The following SMOC2 variants were observed in gnomAD, a reference collection of about 807,000 sequenced individuals.
The protein encoded by SMOC2 is SPARC-related modular calcium-binding protein 2.
In SMOC2, 39 loss-of-function variants were observed where a neutral mutation model predicts 61.4. The ratio of observed to expected loss-of-function variants is 0.64; its 90% CI spans 0.49 to 0.83. The LOEUF (loss-of-function observed/expected upper bound fraction) is 0.83, where lower values mean the gene tolerates loss of function less well. SMOC2 is among the 40% of genes least tolerant of loss of function. SMOC2 has a pLI of 0.00. For missense variants in SMOC2, 556 were observed against 592.9 expected (o/e 0.94, Z 0.65); for synonymous variants, 247 against 239.9 (o/e 1.03, Z -0.27).
At chr6:168,597,940 A>T (rs1785373159) in intron 7 of SMOC2, among the ~76,000 whole-genome samples, 1 of 152,270 alleles carries the variant, frequency 6.6e-6, no homozygotes, top group Non-Finnish European at 1.5e-5. Flanking sequence ...ACATGTCTAA[A>T]CAAAGGAGAA....
intron 4 of SMOC2, among the ~76,000 whole-genome samples, chr6:168,538,188 CCTGCTGGAATCTGGGGAGTGGGGTGACCG>C (rs1562335272): frequency 7.4e-6 from 1 of 134,526 alleles, no homozygotes; most frequent in East Asian, 2.3e-4. Flanking sequence ...TGGGGTGACC[CCTGCTGGAATCTGGGGAGTGGGGTGACCG>C]CTGCTGGAAT....
chr6:168,531,792 G>A (rs1783608939), intron 4 of SMOC2, among the ~76,000 whole-genome samples: 1 of 152,210 alleles, frequency 6.6e-6, no homozygotes, highest in Admixed American at 6.5e-5. Flanking sequence ...GGAAGTGGCA[G>A]AGCTGGGATG....
chr6:168,530,088 A>G (rs1360167779), intron 4 of SMOC2, among the ~76,000 whole-genome samples: 1 of 152,246 alleles, frequency 6.6e-6, no homozygotes, highest in Non-Finnish European at 1.5e-5. Context: ...CCATAGAAGC[A>G]GACTCTATAA....
intron 1 of SMOC2, among the ~76,000 whole-genome samples, chr6:168,448,440 G>A (rs906018538): frequency 2.0e-5 from 3 of 150,962 alleles, no homozygotes; most frequent in African/African-American, 4.9e-5. Flanking sequence ...ATGGGGAGAA[G>A]GATGAGGATG....
At chr6:168,605,561 T>A (rs1334007792) in intron 8 of SMOC2, among the ~76,000 whole-genome samples, 2 of 152,160 alleles carry the variant, frequency 1.3e-5, no homozygotes, top group African/African-American at 4.8e-5. Flanking sequence ...CAGAATACTG[T>A]CATGTAAATA....
At chr6:168,559,707 A>G (rs1451431435) in intron 7 of SMOC2, among the ~76,000 whole-genome samples, 2 of 152,032 alleles carry the variant, frequency 1.3e-5, no homozygotes, top group African/African-American at 4.8e-5. Context: ...CTTCAACCGC[A>G]CCTTGTTCTA....
chr6:168,577,634 C>G (rs1784836728), intron 7 of SMOC2, among the ~76,000 whole-genome samples: 1 of 152,198 alleles, frequency 6.6e-6, no homozygotes. Flanking sequence ...CCTGGACTGG[C>G]TCTATCTGGT....
intron 4 of SMOC2, among the ~76,000 whole-genome samples, chr6:168,532,021 G>A (rs9346719): frequency 0.68 from 103,283 of 152,074 alleles, 37,327 homozygotes; most frequent in Non-Finnish European, 0.8. Context: ...TCTCGGAGAC[G>A]TATCCAAGTC....
chr6:168,609,998 C>A (rs10945526), intron 9 of SMOC2, among the ~76,000 whole-genome samples: 39,077 of 152,022 alleles, frequency 0.26, 5,139 homozygotes, highest in Non-Finnish European at 0.27. Flanking sequence ...AGACCTTTTC[C>A]TGGTGGAATC....
chr6:168,465,630 A>G (rs1781811098), intron 1 of SMOC2, among the ~76,000 whole-genome samples: 1 of 152,234 alleles, frequency 6.6e-6, no homozygotes, highest in South Asian at 2.1e-4. Flanking sequence ...AGTTTGTGAA[A>G]GCCAAATAGG....
chr6:168,549,504 G>A (rs1467853432), intron 7 of SMOC2, among the ~76,000 whole-genome samples: 1 of 152,084 alleles, frequency 6.6e-6, no homozygotes, highest in African/African-American at 2.4e-5. Context: ...AAATCATAAG[G>A]AATAGAAAAT....
intron 7 of SMOC2, among the ~76,000 whole-genome samples, chr6:168,556,324 G>C (rs1784249340): frequency 6.6e-6 from 1 of 152,178 alleles, no homozygotes; most frequent in South Asian, 2.1e-4. Flanking sequence ...TGCCCACATG[G>C]GGTGCGGGAG....
intron 1 of SMOC2, among the ~76,000 whole-genome samples, chr6:168,446,234 G>A (rs573207319): frequency 6.1e-4 from 93 of 152,246 alleles, no homozygotes; most frequent in African/African-American, 1.9e-3. Flanking sequence ...GTGGTGACAC[G>A]CACCTGTAGT....
Position 168,653,129 on chromosome 6 carries a change from T to C in SMOC2, c.1186T>C (p.Cys396Arg), listed in dbSNP as rs1787238835. The change falls in exon 11 of 13, where the codon TGT becomes CGT. Residue 396 changes from cysteine (C) to arginine (R), a missense_variant. Transcript: ENST00000356284. ...ATGTGTGAAGAAGTTTGTTGAATAC[T>C]GTGACGTGAATAATGACAAATCCAT... ...KKCVKKFVEY[C>R]DVNNDKSISV... 11 of 1,614,250 alleles carry C rather than the reference T, an allele frequency of 6.8e-6. No individual in the cohort carries two copies. Among genetic ancestry groups the C allele is most frequent in the Non-Finnish European group, 7.6e-6 (9 of 1,180,040 alleles).
intron 2 of SMOC2, among the ~76,000 whole-genome samples, chr6:168,517,059 T>C (rs1013773034): frequency 6.6e-6 from 1 of 152,232 alleles, no homozygotes; most frequent in Non-Finnish European, 1.5e-5. Flanking sequence ...AAGTGATGGT[T>C]GTAACAGGAA....
Position 168,636,849 on chromosome 6 carries a change from TGCCTCCCTCCTCCC to T in SMOC2, c.908-13803_908-13790del, listed in dbSNP as rs1185071842. ...GGCCATCAGTGGGGAATATGCCTCC[TGCCTCCCTCCTCCC>T]GCCTCCCTCCTCCCGCCTCCCTCCT... On this transcript the variant is annotated intron_variant, in intron 9 of 12. Transcript: ENST00000356284. Among the ~76,000 whole-genome samples the T allele has an allele frequency of 1.5e-3, 189 of 125,206 alleles. 1 individual carries two copies. Among genetic ancestry groups the T allele is most frequent in the African/African-American group, 2.6e-3 (74 of 28,296 alleles). 82.1% of individuals were successfully genotyped at this position (125,206 alleles called of 152,430 possible).
intron 7 of SMOC2, among the ~76,000 whole-genome samples, chr6:168,591,404 C>T (rs1785177397): frequency 6.6e-6 from 1 of 152,152 alleles, no homozygotes; most frequent in Non-Finnish European, 1.5e-5. Flanking sequence ...AGAATTATTA[C>T]AACATTTATA....
chr6:168,626,612 C>G (rs1484289961), intron 9 of SMOC2, among the ~76,000 whole-genome samples: 1 of 152,198 alleles, frequency 6.6e-6, no homozygotes, highest in East Asian at 1.9e-4. Flanking sequence ...GCAATGGGCT[C>G]TACTCTCTGA....
chr6:168,476,119 C>G (rs1415340110), intron 1 of SMOC2, among the ~76,000 whole-genome samples: 1 of 152,150 alleles, frequency 6.6e-6, no homozygotes, highest in Non-Finnish European at 1.5e-5. Flanking sequence ...GATTCAAACT[C>G]TATTTTTATT....
Sources: gnomAD v4.1 joint callset for allele counts (sites outside exome capture counted in the v4.1 genomes callset) on GRCh38, gnomAD v4.1.1 for gene constraint, MANE v1.5 for transcripts, NCBI Gene and HGNC (gene_info 2026-07-23, HGNC 2026-07-21) for gene names.